CAMTA1: variants seen among roughly 807,000 people sequenced by gnomAD.
CAMTA1 encodes calmodulin binding transcription activator 1.
A neutral mutation model predicts 170.9 loss-of-function variants in CAMTA1; 27 were observed. The observed-to-expected ratio is 0.16, with a 90% CI of 0.12 to 0.22. The LOEUF (loss-of-function observed/expected upper bound fraction) is 0.22. Among genes scored for constraint, CAMTA1 ranks in the 10% least tolerant of loss-of-function variants. The pLI, the probability that CAMTA1 is intolerant of heterozygous loss-of-function variation, is 1.00. For missense variants in CAMTA1, 1,619 were observed against 2,217.2 expected, an observed-to-expected ratio of 0.73 and a Z score of 5.42; for synonymous variants, 833 against 891.5, an observed-to-expected ratio of 0.93 and a Z score of 1.17.
chr1:6,954,956 G>A (rs1002636286), intron 3 of CAMTA1, among the ~76,000 whole-genome samples: 18 of 152,104 alleles, frequency 1.2e-4, no homozygotes, highest in Non-Finnish European at 8.8e-5. Flanking sequence ...TCACCGTTTC[G>A]ATTTCGCTTC....
chr1:6,803,419 T>C (rs1644126094), intron 1 of CAMTA1, among the ~76,000 whole-genome samples: 1 of 152,040 alleles, frequency 6.6e-6, no homozygotes. Context: ...CTCTGATCTC[T>C]TGTTGTTCTT....
In CAMTA1 at chr1:7,111,369, C is replaced by T. The variant is rs538765944; in HGVS notation, c.302+19998C>T. Among the ~76,000 whole-genome samples the T allele has an allele frequency of 2.6e-5, 4 of 152,294 alleles. No individual in the cohort carries two copies. The East Asian group carries it at 5.8e-4, about 22-fold the overall frequency. On this transcript the variant is annotated intron_variant, in intron 4 of 22. Transcript: ENST00000303635. ...CTGCCCTCCCATACCTACCATTGCCCTGGCTTCATCATCCCTGGTTTTATA... is the reference window on the plus strand; with the variant it reads ...CTGCCCTCCCATACCTACCATTGCCTTGGCTTCATCATCCCTGGTTTTATA...
In CAMTA1 at chr1:7,312,802, T is replaced by C. The variant is rs184272995; in HGVS notation, c.438+63176T>C. 2.1e-3 allele frequency among the ~76,000 whole-genome samples: 319 copies of C among 152,324 alleles called. 2 individuals carry two copies. Among genetic ancestry groups the C allele is most frequent in the Non-Finnish European group, 1.4e-3 (97 of 68,032 alleles). On this transcript the variant is annotated intron_variant, in intron 5 of 22. Coordinates refer to ENST00000303635, the MANE Select transcript of CAMTA1 (RefSeq NM_015215.4). ...CTTCCTGAGCTCTGCCAATTCATGTTTTATTCCCCTTTGATGTGATTTTGT... is the reference window on the plus strand; with the variant it reads ...CTTCCTGAGCTCTGCCAATTCATGTCTTATTCCCCTTTGATGTGATTTTGT...
chr1:7,084,686 T>G (rs1640490083), intron 3 of CAMTA1, among the ~76,000 whole-genome samples: 2 of 152,166 alleles, frequency 1.3e-5, no homozygotes, highest in East Asian at 3.9e-4. Flanking sequence ...TGCCGTTGGC[T>G]CCAGGAGGCA....
chr1:6,949,310 T>C (rs973855148), intron 3 of CAMTA1, among the ~76,000 whole-genome samples: 2 of 152,226 alleles, frequency 1.3e-5, no homozygotes, highest in Admixed American at 6.5e-5. Context: ...AGATCCCACA[T>C]AGGAACTGCA....
At chr1:6,869,553 T>G (rs1667784583) in intron 3 of CAMTA1, among the ~76,000 whole-genome samples, 1 of 152,202 alleles carries the variant, frequency 6.6e-6, no homozygotes, top group Non-Finnish European at 1.5e-5. Context: ...TTCTTTTTAC[T>G]TATTAAATTA....
chr1:6,932,913 C>T (rs927238587), intron 3 of CAMTA1, among the ~76,000 whole-genome samples: 2 of 152,108 alleles, frequency 1.3e-5, no homozygotes, highest in Non-Finnish European at 2.9e-5. Context: ...ATATGCTTTG[C>T]AGAGATTTTC....
chr1:7,149,664 C>G (rs927070383), intron 4 of CAMTA1, among the ~76,000 whole-genome samples: 2 of 152,170 alleles, frequency 1.3e-5, no homozygotes, highest in Non-Finnish European at 2.9e-5. Context: ...GAACAGGAAA[C>G]GAGCCACTGG....
chr1:7,522,142 C>T (rs756376796), intron 6 of CAMTA1, among the ~76,000 whole-genome samples: 25 of 152,148 alleles, frequency 1.6e-4, no homozygotes, highest in Non-Finnish European at 3.4e-4. Flanking sequence ...GGTTTTTTCA[C>T]GGCCTCACCA....
At chr1:7,670,286 T>TGC (rs528573645) in intron 9 of CAMTA1, among the ~76,000 whole-genome samples, 82 of 152,254 alleles carry the variant, frequency 5.4e-4, no homozygotes, top group Admixed American at 2.9e-3. Flanking sequence ...CAAACTCAGC[T>TGC]CCCAGGGCAG....
chr1:7,424,994 CA>C (rs2091797932), intron 5 of CAMTA1, among the ~76,000 whole-genome samples: 1 of 152,098 alleles, frequency 6.6e-6, no homozygotes, highest in Non-Finnish European at 1.5e-5. Flanking sequence ...GCTTCACTTC[CA>C]GGGGGGCTCG....
intron 4 of CAMTA1, among the ~76,000 whole-genome samples, chr1:7,189,368 CA>C (rs1558225448): frequency 6.6e-6 from 1 of 152,082 alleles, no homozygotes; most frequent in Non-Finnish European, 1.5e-5. Flanking sequence ...TCAAGCCATA[CA>C]AGAGCACATT....
At position 7,325,518 on chromosome 1, in the gene CAMTA1, A is replaced by G. The variant is rs1215914505; in HGVS notation, c.438+75892A>G. Among the ~76,000 whole-genome samples the G allele has an allele frequency of 6.6e-6, 1 of 152,198 alleles. No homozygotes were observed. The highest frequency in any genetic ancestry group is 2.4e-5 in the African/African-American group (1 of 41,444). On this transcript the variant is annotated intron_variant, in intron 5 of 22. Transcript: ENST00000303635. This position sits in a 1 kb window ranked among gnomAD's most constrained non-coding sequence, Gnocchi z 5.0. ...GGCCAGCTAGGATGCTAATGTAGTAACCCAGAAGAGAGGTGGTGATGACTT... is the reference window on the plus strand; with the variant it reads ...GGCCAGCTAGGATGCTAATGTAGTAGCCCAGAAGAGAGGTGGTGATGACTT...
intron 4 of CAMTA1, among the ~76,000 whole-genome samples, chr1:7,149,714 G>C (rs1412216107): frequency 6.6e-6 from 1 of 152,204 alleles, no homozygotes; most frequent in African/African-American, 2.4e-5. Context: ...TGAGTGCTGG[G>C]GGATGGGCAG....
At chr1:7,102,023 AACACACACACACACAC>A (rs57209159) in intron 4 of CAMTA1, among the ~76,000 whole-genome samples, 2,705 of 148,776 alleles carry the variant, frequency 0.018, 49 homozygotes, top group African/African-American at 0.048. Flanking sequence ...ATAAATACAC[AACACACACACACACAC>A]ACACACACAC....
intron 4 of CAMTA1, among the ~76,000 whole-genome samples, chr1:7,184,906 C>T (rs1453206460): frequency 1.3e-5 from 2 of 152,114 alleles, no homozygotes; most frequent in African/African-American, 4.8e-5. Context: ...TGGCCATGTA[C>T]CACCAGTCTA....
chr1:6,832,124 C>T (rs373641252), intron 3 of CAMTA1, among the ~76,000 whole-genome samples: 60 of 151,398 alleles, frequency 4.0e-4, no homozygotes, highest in African/African-American at 1.4e-3. Context: ...CATTCTGTCA[C>T]CCAGACTGGA....
chr1:7,713,307 G>C (rs934580741), intron 11 of CAMTA1, among the ~76,000 whole-genome samples: 1 of 152,144 alleles, frequency 6.6e-6, no homozygotes, highest in African/African-American at 2.4e-5. Flanking sequence ...AGAAAGAGGA[G>C]GAAGAGTATG....
rs1221599741 is a variant in CAMTA1 at position 7,641,123 on chromosome 1, G to A, written c.664+570G>A. ...CACAGAATGCAAAACACCGAGTGAG[G>A]CAGGGAAGCTGGGGCTGCTCCGTAC... On this transcript the variant is annotated intron_variant, in intron 7 of 22. Coordinates refer to ENST00000303635, the MANE Select transcript of CAMTA1 (RefSeq NM_015215.4). This position sits in a 1 kb window ranked among gnomAD's most constrained non-coding sequence, Gnocchi z 4.5. 6.6e-6 allele frequency among the ~76,000 whole-genome samples: 1 copy of A among 152,240 alleles called. No homozygotes were observed.
Sources: allele counts gnomAD v4.1 joint callset (sites outside exome capture counted in the v4.1 genomes callset), GRCh38; gene constraint gnomAD v4.1.1; non-coding constraint Gnocchi (gnomAD v3.1); transcripts MANE v1.5; gene names NCBI Gene and HGNC (gene_info 2026-07-23, HGNC 2026-07-21).